Variants in ING4 observed in about 807,000 individuals in gnomAD.
ING4 encodes inhibitor of growth protein 4.
A neutral mutation model predicts 33.1 loss-of-function variants in ING4; 28 were observed. The observed-to-expected ratio is 0.85, with a 90% CI of 0.63 to 1.16. The LOEUF (loss-of-function observed/expected upper bound fraction) is 1.16. Among genes scored for constraint, ING4 ranks in the 50% most tolerant of loss-of-function variants. ING4 has a pLI of 0.00. For missense variants in ING4, 247 were observed against 314.7 expected, an observed-to-expected ratio of 0.78 and a Z score of 1.63; for synonymous variants, 87 against 104.4, an observed-to-expected ratio of 0.83 and a Z score of 1.02.
chr12:6,657,094 C>T (rs1277844014), intron 1 of ING4, among the ~76,000 whole-genome samples: 3 of 152,090 alleles, frequency 2.0e-5, no homozygotes, highest in African/African-American at 4.8e-5. Context: ...GCAGAGGTTG[C>T]AGTGAGCCGT....
At position 6,651,235 on chromosome 12, in the gene ING4, C is replaced by G; in HGVS notation, c.708-1G>C. On this transcript the variant is annotated splice_acceptor_variant, in intron 7 of 7. Transcript: ENST00000341550. LOFTEE classifies it high-confidence loss of function. ...TTCTTGGGAGCAGCGTGGGCAAAAC[C>G]TGAAACAGAGAAGGGGAGAGAAAAG... is the stretch of plus-strand genomic sequence containing the variant. The G allele has an allele frequency of 6.2e-7, 1 of 1,614,230 alleles. No individual in the cohort carries two copies. The highest frequency in any genetic ancestry group is 8.5e-7 in the Non-Finnish European group (1 of 1,180,034).
At chr12:6,661,419 T>G (rs1171564660) in intron 1 of ING4, among the ~76,000 whole-genome samples, 3 of 145,886 alleles carry the variant, frequency 2.1e-5, no homozygotes, top group Admixed American at 6.8e-5. Flanking sequence ...TTTTTTTTTT[T>G]TTTTTTTTTT....
At position 6,651,116 on chromosome 12, in the gene ING4, C is replaced by T. The variant is rs1365555392; in HGVS notation, c.*79G>A. 16 of 1,512,252 alleles carry T rather than the reference C, an allele frequency of 1.1e-5. No homozygotes were observed. The highest frequency in any genetic ancestry group is 1.4e-5 in the Non-Finnish European group (15 of 1,089,254). 93.7% of individuals were successfully genotyped at this position (1,512,252 alleles called of 1,614,324 possible). On this transcript the variant is annotated 3_prime_UTR_variant, in exon 8 of 8. Coordinates refer to ENST00000341550, the MANE Select transcript of ING4 (RefSeq NM_016162.4). ...ATCCACTCCTCCCTGAACCCCTGGC[C>T]CCAGCACAGGCATTCCTCTGCCCAC...
intron 1 of ING4, among the ~76,000 whole-genome samples, chr12:6,659,487 A>T (rs917057722): frequency 1.3e-5 from 2 of 150,920 alleles, no homozygotes; most frequent in African/African-American, 4.9e-5. Context: ...AGCCTGGGTG[A>T]CAGAGTGCGA....
At chr12:6,656,184 TTTGAGACAGAGTC>T (rs1949347548) in intron 2 of ING4, among the ~76,000 whole-genome samples, 1 of 151,860 alleles carries the variant, frequency 6.6e-6, no homozygotes. Flanking sequence ...TTTTTTTTTT[TTTGAGACAGAGTC>T]TTGCTCTGTT....
chr12:6,654,634 G>A (rs1316580921), intron 2 of ING4, among the ~76,000 whole-genome samples: 1 of 152,060 alleles, frequency 6.6e-6, no homozygotes, highest in Non-Finnish European at 1.5e-5. Flanking sequence ...ACTGCAGCCA[G>A]GCTGCCCATC....
chr12:6,652,406 A>G lies in ING4; in HGVS notation c.510T>C (p.Tyr170=). ...TGCCAAAGGTCACTGAGGGCATCCC[A>G]TACTCAGGACTTCTGCATGCCAAGA... ...KLKLVRTSPE[Y]GMPSVTFGSV... Residue 170 remains tyrosine (Y), a synonymous_variant, in exon 6 of 8, where the codon TAT becomes TAC. Coordinates refer to ENST00000341550, the MANE Select transcript of ING4 (RefSeq NM_016162.4). The G allele has an allele frequency of 6.2e-7, 1 of 1,614,074 alleles. No individual in the cohort carries two copies. Among genetic ancestry groups the G allele is most frequent in the Non-Finnish European group, 8.5e-7 (1 of 1,179,970 alleles).
At chr12:6,656,129 G>A (rs1487611451) in intron 2 of ING4, among the ~76,000 whole-genome samples, 1 of 151,682 alleles carries the variant, frequency 6.6e-6, no homozygotes, top group African/African-American at 2.4e-5. Context: ...TATATCAAAC[G>A]TGGAGAGCAG....
intron 1 of ING4, chr12:6,657,818 T>C (rs1337404388): frequency 6.7e-6 from 1 of 149,942 alleles, no homozygotes; most frequent in African/African-American, 2.5e-5. Context: ...TAATCCCAGC[T>C]ATTCAGGAGG....
At chr12:6,652,246 C>T (rs375300631) in intron 6 of ING4, 25 bp downstream of exon 6, 2 of 1,609,554 alleles carry the variant, frequency 1.2e-6, no homozygotes, top group Admixed American at 1.7e-5. Context: ...CACAACCCCC[C>T]ATCCTAAGGC....
intron 2 of ING4, among the ~76,000 whole-genome samples, chr12:6,656,149 G>C (rs951506161): frequency 6.6e-6 from 1 of 151,406 alleles, no homozygotes; most frequent in Non-Finnish European, 1.5e-5. Context: ...GAAATGACTC[G>C]AGTTGACTTT....
At chr12:6,660,198 G>A (rs969378037) in intron 1 of ING4, among the ~76,000 whole-genome samples, 1 of 152,180 alleles carries the variant, frequency 6.6e-6, no homozygotes, top group African/African-American at 2.4e-5. Flanking sequence ...AGTGGCTCAC[G>A]CCTGTAATCC....
intron 1 of ING4, among the ~76,000 whole-genome samples, chr12:6,659,461 C>T (rs141655303): frequency 1.3e-3 from 203 of 151,450 alleles, no homozygotes; most frequent in African/African-American, 4.0e-3. Flanking sequence ...GAGCTGAGAT[C>T]GCACCACTGC....
chr12:6,656,749 C>T lies in ING4; in HGVS notation c.87G>A (p.Arg29=). ...FELQRNFQLM[R]DLDQRTEDLK... ...TACCCTCTGTTCTTTGGTCTAGGTC[C>T]CTCATGAGCTGAAAGTTTCTCTGTA... is the stretch of plus-strand genomic sequence containing the variant. The change falls in exon 2 of 8, where the codon AGG becomes AGA. Residue 29 remains arginine (R), a synonymous_variant. Coordinates refer to ENST00000341550, the MANE Select transcript of ING4 (RefSeq NM_016162.4). The T allele has an allele frequency of 1.3e-6, 2 of 1,573,294 alleles. No individual in the cohort carries two copies. The highest frequency in any genetic ancestry group is 1.7e-6 in the Non-Finnish European group (2 of 1,164,726).
At chr12:6,655,507 TTATAC>T (rs1464992186) in intron 2 of ING4, 87 of 664,374 alleles carry the variant, frequency 1.3e-4, no homozygotes, top group Non-Finnish European at 1.6e-4. Context: ...AAGACACTGT[TTATAC>T]TCCACTTCAT....
In ING4 at chr12:6,651,435, G is replaced by A. The variant is rs771336056; in HGVS notation, c.646-50C>T. On this transcript the variant is annotated intron_variant, in intron 6 of 7. Coordinates refer to ENST00000341550, the MANE Select transcript of ING4 (RefSeq NM_016162.4). The stretch of plus-strand genomic sequence containing the variant: ...CAGGGGCCAGGAAGGGCCAGAGGAA[G>A]GAGAGAAAGCCCCTCCAGATTCCTT... 2.6e-5 allele frequency: 39 copies of A among 1,498,340 alleles called. No individual in the cohort carries two copies. In the African/African-American group the frequency reaches 3.9e-4, roughly 15 times the overall value. The allele number at this position is 1,498,340 out of a possible 1,614,324, so 92.8% of individuals were successfully genotyped here.
chr12:6,651,971 C>T (rs1949195697), intron 6 of ING4, among the ~76,000 whole-genome samples: 1 of 150,700 alleles, frequency 6.6e-6, no homozygotes, highest in African/African-American at 2.4e-5. Flanking sequence ...TCCTGCCTCT[C>T]GCCTCAGCCT....
At position 6,653,216 on chromosome 12, in the gene ING4, G is replaced by A; in HGVS notation, c.276+14C>T. 2 of 1,613,732 alleles carry A rather than the reference G, an allele frequency of 1.2e-6. No homozygotes were observed. The highest frequency in any genetic ancestry group is 1.7e-6 in the Non-Finnish European group (2 of 1,179,762). ...AGATGGGAAGTAGGTGGGGAGCCAT[G>A]AACAGGGCCATACCATCTCATAGGT... On this transcript the variant is annotated intron_variant, in intron 3 of 7. Transcript: ENST00000341550.
At chr12:6,653,191 A>G (rs1233944069) in intron 3 of ING4, 39 bp downstream of exon 3, 2 of 1,611,272 alleles carry the variant, frequency 1.2e-6, no homozygotes, top group Non-Finnish European at 1.7e-6. Context: ...CCTGAGGATT[A>G]GATGGGAAGT....
Sources: gnomAD v4.1 joint callset for allele counts (sites outside exome capture counted in the v4.1 genomes callset) on GRCh38, gnomAD v4.1.1 for gene constraint, MANE v1.5 for transcripts, NCBI Gene and HGNC (gene_info 2026-07-23, HGNC 2026-07-21) for gene names.